AP5M1: variants seen among roughly 807,000 people sequenced by gnomAD.
The protein encoded by AP5M1 is AP-5 complex subunit mu-1.
A neutral mutation model predicts 52.3 loss-of-function variants in AP5M1; 44 were observed. The ratio of observed to expected loss-of-function variants is 0.84; its 90% CI spans 0.66 to 1.08. The LOEUF (loss-of-function observed/expected upper bound fraction) is 1.08. Ranked by LOEUF, AP5M1 falls within the 50% of genes least tolerant of loss-of-function variation. AP5M1 has a pLI of 0.00. For synonymous variants in AP5M1, 213 were observed against 199.0 expected (o/e 1.07, Z -0.59); for missense variants, 526 against 568.4 (o/e 0.93, Z 0.76).
At chr14:57,277,628 C>T (rs1391728170) in intron 2 of AP5M1, among the ~76,000 whole-genome samples, 2 of 151,648 alleles carry the variant, frequency 1.3e-5, no homozygotes, top group African/African-American at 4.9e-5. Context: ...TACTACTCTT[C>T]GTAATGCCTG....
chr14:57,284,079 C>CACCAA (rs1401224025), intron 6 of AP5M1, among the ~76,000 whole-genome samples: 1 of 152,150 alleles, frequency 6.6e-6, no homozygotes, highest in Non-Finnish European at 1.5e-5. Flanking sequence ...AACAATTTAT[C>CACCAA]AGTGCTAACA....
chr14:57,282,069 A>C lies in AP5M1; in HGVS notation c.949-20A>C, dbSNP rs1310201570. ...ACTCATTAACCTGAGAATTATATAG[A>C]CATTTATGTTTCTTTTTAGGTCCCT... On this transcript the variant is annotated intron_variant, in intron 3 of 7. Transcript: ENST00000261558. 2 of 1,549,018 alleles carry C rather than the reference A, an allele frequency of 1.3e-6. No homozygotes were observed. The highest frequency in any genetic ancestry group is 1.7e-6 in the Non-Finnish European group (2 of 1,156,504).
rs1885600041 is a variant in AP5M1 at position 57,298,653 on chromosome 14, T to C, written c.*9769T>C. ...ATTATATGAATTGTCCATGTGCCCT[T>C]GGTTTTGAATGTTCAATTCTGTATT... On this transcript the variant is annotated 3_prime_UTR_variant, in exon 8 of 8. Transcript: ENST00000261558. The C allele has an allele frequency of 6.6e-6, 1 of 152,198 alleles. No individual in the cohort carries two copies. Among genetic ancestry groups the C allele is most frequent in the Non-Finnish European group, 1.5e-5 (1 of 68,022 alleles). The allele number at this position is 152,198 out of a possible 1,614,324, so 9.4% of individuals were successfully genotyped here.
At chr14:57,285,497 G>A (rs772765445) in intron 6 of AP5M1, among the ~76,000 whole-genome samples, 12 of 151,774 alleles carry the variant, frequency 7.9e-5, no homozygotes, top group Non-Finnish European at 1.8e-4. Flanking sequence ...AAAAAAGCAC[G>A]CAACAGCCTT....
rs1446223445 is a variant in AP5M1, at chr14:57,297,628, T to C, written c.*8744T>C. On this transcript the variant is annotated 3_prime_UTR_variant, in exon 8 of 8. Transcript: ENST00000261558. ...AAGAAAAATACAAGCTCTAGAGTAG[T>C]GGCCTCACATTGATTTATATTAGTG... 1 of 152,016 alleles carries C rather than the reference T, an allele frequency of 6.6e-6. No individual in the cohort carries two copies. Among genetic ancestry groups the C allele is most frequent in the Non-Finnish European group, 1.5e-5 (1 of 67,966 alleles). The allele number at this position is 152,016 out of a possible 1,614,324, so 9.4% of individuals were successfully genotyped here.
At chr14:57,276,123 T>G (rs2139687472) in intron 2 of AP5M1, among the ~76,000 whole-genome samples, 1 of 152,300 alleles carries the variant, frequency 6.6e-6, no homozygotes, top group African/African-American at 2.4e-5. Context: ...GTGTCTATTT[T>G]AAACTCATAT....
In AP5M1 at chr14:57,290,194, AAT is replaced by A. The variant is rs1885408219; in HGVS notation, c.*1313_*1314del. On this transcript the variant is annotated 3_prime_UTR_variant, in exon 8 of 8. Transcript: ENST00000261558. Reference sequence around the variant, plus strand: ...TAGGGCATATAAATTTAGGATTTGAAATATGATTTTTTAATTAAGGTCAGTCC... The same window carrying A: ...TAGGGCATATAAATTTAGGATTTGAAATGATTTTTTAATTAAGGTCAGTCC... 6.6e-6 allele frequency: 1 copy of A among 151,966 alleles called. No homozygotes were observed. The highest frequency in any genetic ancestry group is 2.4e-5 in the African/African-American group (1 of 41,410). 9.4% of individuals were successfully genotyped at this position (151,966 alleles called of 1,614,324 possible).
chr14:57,287,554 C>G (rs1885338813), intron 7 of AP5M1, among the ~76,000 whole-genome samples: 1 of 152,070 alleles, frequency 6.6e-6, no homozygotes, highest in Non-Finnish European at 1.5e-5. Context: ...ACTAAACATA[C>G]TGCAGTAATT....
intron 7 of AP5M1, 58 bp from the exon 8 acceptor site, chr14:57,288,744 C>T: frequency 9.6e-7 from 1 of 1,042,584 alleles, no homozygotes; most frequent in Non-Finnish European, 1.5e-6. Context: ...CATGACTTTG[C>T]TCTCGTTGAA....
At position 57,269,107 on chromosome 14, in the gene AP5M1, C is replaced by G. The variant is rs1884805730; in HGVS notation, c.-208C>G. The G allele has an allele frequency of 3.4e-6, 2 of 586,252 alleles. No individual in the cohort carries two copies. Among genetic ancestry groups the G allele is most frequent in the South Asian group, 4.3e-5 (2 of 46,740 alleles). 36.3% of individuals were successfully genotyped at this position (586,252 alleles called of 1,614,324 possible). On this transcript the variant is annotated 5_prime_UTR_variant, in exon 1 of 8. Coordinates refer to ENST00000261558, the MANE Select transcript of AP5M1 (RefSeq NM_018229.4). Reference sequence around the variant, plus strand: ...AGGTTATAGGTTGGGGTTCTTAGAACTTTTTGTGGTGTGTGTTGGCCTAGA... The same window carrying G: ...AGGTTATAGGTTGGGGTTCTTAGAAGTTTTTGTGGTGTGTGTTGGCCTAGA...
Position 57,280,307 on chromosome 14 carries a change from C to A in AP5M1, c.833C>A (p.Ala278Glu). The A allele has an allele frequency of 6.2e-7, 1 of 1,613,766 alleles. No individual in the cohort carries two copies. The highest frequency in any genetic ancestry group is 8.5e-7 in the Non-Finnish European group (1 of 1,179,698). ...VHPCVTSLDS[A>E]ILTSSSIDAM... ...CCTTGTGTAACTTCTCTTGACTCTGCAATTCTGACTTCTAGTAGTATTGAT... is the reference window on the plus strand; with the variant it reads ...CCTTGTGTAACTTCTCTTGACTCTGAAATTCTGACTTCTAGTAGTATTGAT... Residue 278 changes from alanine to glutamate, a missense_variant, in exon 3 of 8, where the codon GCA (alanine) becomes GAA (glutamate). Ala to Glu is a moderately radical substitution (Grantham distance 107). Transcript: ENST00000261558.
In AP5M1 at chr14:57,282,069, A is replaced by T; in HGVS notation, c.949-20A>T. 6.5e-7 allele frequency: 1 copy of T among 1,549,136 alleles called. No homozygotes were observed. The highest frequency in any genetic ancestry group is 1.3e-5 in the South Asian group (1 of 78,140). On this transcript the variant is annotated intron_variant, in intron 3 of 7. Coordinates refer to ENST00000261558, the MANE Select transcript of AP5M1 (RefSeq NM_018229.4). Reference sequence around the variant, plus strand: ...ACTCATTAACCTGAGAATTATATAGACATTTATGTTTCTTTTTAGGTCCCT... The same window carrying T: ...ACTCATTAACCTGAGAATTATATAGTCATTTATGTTTCTTTTTAGGTCCCT...
intron 1 of AP5M1, among the ~76,000 whole-genome samples, chr14:57,269,819 A>G (rs1480212460): frequency 6.6e-6 from 1 of 151,838 alleles, no homozygotes; most frequent in African/African-American, 2.4e-5. Flanking sequence ...TTTTGTTTTT[A>G]TTTTTTTGAG....
chr14:57,276,887 T>C (rs886797133), intron 2 of AP5M1, among the ~76,000 whole-genome samples: 1 of 152,204 alleles, frequency 6.6e-6, no homozygotes, highest in African/African-American at 2.4e-5. Flanking sequence ...GTACATAGTA[T>C]AACTGTTAGC....
chr14:57,292,680 T>C lies in AP5M1; in HGVS notation c.*3796T>C, dbSNP rs1885464089. Reference sequence around the variant, plus strand: ...AGGGTATACTTAACTGGCCTTGACATAACCAAAAATCAAAGCAGTGGCTAC... The same window carrying C: ...AGGGTATACTTAACTGGCCTTGACACAACCAAAAATCAAAGCAGTGGCTAC... On this transcript the variant is annotated 3_prime_UTR_variant, in exon 8 of 8. Coordinates refer to ENST00000261558, the MANE Select transcript of AP5M1 (RefSeq NM_018229.4). 6.6e-6 allele frequency: 1 copy of C among 151,752 alleles called. No individual in the cohort carries two copies. The allele number at this position is 151,752 out of a possible 1,614,324, so 9.4% of individuals were successfully genotyped here.
intron 2 of AP5M1, among the ~76,000 whole-genome samples, chr14:57,277,512 A>T (rs188784212): frequency 1.2e-3 from 188 of 152,044 alleles, no homozygotes; most frequent in Non-Finnish European, 1.8e-3. Context: ...AAACCCTAAA[A>T]TTTTTTTTAA....
In AP5M1 at chr14:57,296,560, C is replaced by T. The variant is rs1885556798; in HGVS notation, c.*7676C>T. 6.6e-6 allele frequency: 1 copy of T among 152,088 alleles called. No individual in the cohort carries two copies. Among genetic ancestry groups the T allele is most frequent in the African/African-American group, 2.4e-5 (1 of 41,428 alleles). The allele number at this position is 152,088 out of a possible 1,614,324, so 9.4% of individuals were successfully genotyped here. On this transcript the variant is annotated 3_prime_UTR_variant, in exon 8 of 8. Coordinates refer to ENST00000261558, the MANE Select transcript of AP5M1 (RefSeq NM_018229.4). Reference sequence around the variant, plus strand: ...ATTCTGCTTTTGCTAAGGCAATAATCAGTAGAAGTGGTTAGTAATATTTGT... The same window carrying T: ...ATTCTGCTTTTGCTAAGGCAATAATTAGTAGAAGTGGTTAGTAATATTTGT...
intron 3 of AP5M1, 113 bp from the exon 4 acceptor site, chr14:57,281,976 A>G (rs1300674096): frequency 9.7e-6 from 9 of 923,638 alleles, no homozygotes; most frequent in Middle Eastern, 3.4e-4. Flanking sequence ...TGCTGTTACC[A>G]AAACAACTTG....
rs769423398 is a variant in AP5M1 at position 57,282,130 on chromosome 14, G to A, written c.990G>A (p.Glu330=). The change falls in exon 4 of 8, where the codon GAG becomes GAA. Residue 330 remains glutamate (E), a synonymous_variant. Transcript: ENST00000261558. The stretch of plus-strand genomic sequence containing the variant: ...TTTTGGGTTTTTATCAAATGAAGGA[G>A]GAAGAAGTACAACTAAGAATAACCA... ...PPILGFYQMK[E]EEVQLRITIN... 16 of 1,574,264 alleles carry A rather than the reference G, an allele frequency of 1.0e-5. No individual in the cohort carries two copies. Among genetic ancestry groups the A allele is most frequent in the African/African-American group, 2.8e-5 (2 of 72,384 alleles).
Sources: gnomAD v4.1 joint callset for allele counts (sites outside exome capture counted in the v4.1 genomes callset) on GRCh38, gnomAD v4.1.1 for gene constraint, MANE v1.5 for transcripts, NCBI Gene and HGNC (gene_info 2026-07-23, HGNC 2026-07-21) for gene names.